The following FBXW11 variants were observed in gnomAD, a reference collection of about 807,000 sequenced individuals.
FBXW11 encodes the protein F-box and WD repeat domain containing 11, also known as F-box/WD repeat-containing protein 11.
FBXW11 carries 19 observed loss-of-function variants against 77.6 expected under a neutral mutation model. The ratio of observed to expected loss-of-function variants is 0.24; its 90% CI spans 0.17 to 0.36. FBXW11 has a LOEUF of 0.36. Among genes scored for constraint, FBXW11 ranks in the 10% least tolerant of loss-of-function variants. The probability of loss-of-function intolerance (pLI) is 1.00; values close to 1 mark genes in which losing one functional copy is unlikely to be tolerated. For synonymous variants in FBXW11, 235 were observed against 249.4 expected (o/e 0.94, Z 0.54); for missense variants, 334 against 704.2 (o/e 0.47, Z 5.95).
chr5:171,996,170 A>G (rs1766033441), intron 1 of FBXW11, among the ~76,000 whole-genome samples: 1 of 152,236 alleles, frequency 6.6e-6, no homozygotes, highest in Admixed American at 6.5e-5. Flanking sequence ...ACCTGCCAAG[A>G]GACCTCAGAA....
At chr5:172,000,851 T>C (rs1393712673) in intron 1 of FBXW11, among the ~76,000 whole-genome samples, 1 of 152,222 alleles carries the variant, frequency 6.6e-6, no homozygotes. Flanking sequence ...CAAACTCAGG[T>C]GTTTCACTTC....
chr5:171,927,469 G>A (rs768195862), intron 2 of FBXW11, among the ~76,000 whole-genome samples: 14 of 152,104 alleles, frequency 9.2e-5, no homozygotes, highest in Non-Finnish European at 1.8e-4. Flanking sequence ...ATGAGCAAAA[G>A]ACTTCCACAG....
intron 8 of FBXW11, among the ~76,000 whole-genome samples, chr5:171,877,789 G>T (rs951515500): frequency 2.0e-5 from 3 of 152,210 alleles, no homozygotes; most frequent in Non-Finnish European, 2.9e-5. Context: ...TTACAGGAAA[G>T]CATGTTGTCA....
At chr5:171,975,769 T>C (rs1764795407) in intron 1 of FBXW11, among the ~76,000 whole-genome samples, 2 of 152,076 alleles carry the variant, frequency 1.3e-5, no homozygotes, top group Non-Finnish European at 2.9e-5. Flanking sequence ...CCTCCTTATT[T>C]TGGCAGGATG....
In FBXW11 at chr5:171,869,856, T is replaced by G; in HGVS notation, c.1452-49A>C. 1 of 1,298,996 alleles carries G rather than the reference T, an allele frequency of 7.7e-7. No individual in the cohort carries two copies. The highest frequency in any genetic ancestry group is 1.3e-5 in the South Asian group (1 of 78,086). 80.5% of individuals were successfully genotyped at this position (1,298,996 alleles called of 1,614,324 possible). ...TTAGTGGAAAAGTGAACAATTTATA[T>G]GCTGTCAAACATTTCCTTGAAAAAA... On this transcript the variant is annotated intron_variant, in intron 11 of 13. Transcript: ENST00000517395. This position sits in a 1 kb window ranked among gnomAD's most constrained non-coding sequence, Gnocchi z 4.1.
chr5:171,967,606 G>A (rs553411534), intron 1 of FBXW11, among the ~76,000 whole-genome samples: 17 of 152,126 alleles, frequency 1.1e-4, no homozygotes, highest in East Asian at 5.8e-4. Context: ...TTGGGAGGCC[G>A]AGGCAGGCGG....
chr5:171,888,162 G>A (rs1243362510), intron 7 of FBXW11, among the ~76,000 whole-genome samples: 1 of 152,116 alleles, frequency 6.6e-6, no homozygotes, highest in African/African-American at 2.4e-5. Context: ...ACACACTGCA[G>A]AACAATGGAA....
chr5:171,907,587 A>G (rs1193641678), intron 4 of FBXW11, among the ~76,000 whole-genome samples: 1 of 152,190 alleles, frequency 6.6e-6, no homozygotes, highest in East Asian at 1.9e-4. Context: ...ATTCATATGT[A>G]TGATATACAC....
intron 2 of FBXW11, among the ~76,000 whole-genome samples, chr5:171,946,876 G>A (rs544556451): frequency 2.0e-3 from 287 of 143,436 alleles, no homozygotes; most frequent in Non-Finnish European, 3.3e-3. Flanking sequence ...GTGCAGTGGC[G>A]GGATCTCGGC....
intron 2 of FBXW11, among the ~76,000 whole-genome samples, chr5:171,945,254 G>A (rs1581237363): frequency 1.3e-5 from 2 of 152,192 alleles, no homozygotes; most frequent in East Asian, 1.9e-4. Flanking sequence ...CAAGCTACTG[G>A]TATAACAACA....
intron 1 of FBXW11, among the ~76,000 whole-genome samples, chr5:171,991,366 C>A (rs1765729830): frequency 6.6e-6 from 1 of 152,076 alleles, no homozygotes; most frequent in African/African-American, 2.4e-5. Flanking sequence ...TACTTGAGAC[C>A]AACACAGCAT....
chr5:171,980,098 C>T (rs991707835), intron 1 of FBXW11, among the ~76,000 whole-genome samples: 1 of 152,136 alleles, frequency 6.6e-6, no homozygotes, highest in African/African-American at 2.4e-5. Flanking sequence ...CATGCCAGGG[C>T]AAATACTTAA....
intron 1 of FBXW11, among the ~76,000 whole-genome samples, chr5:171,989,185 A>C (rs1765605177): frequency 6.6e-6 from 1 of 152,224 alleles, no homozygotes; most frequent in Non-Finnish European, 1.5e-5. Flanking sequence ...TAAAATAATA[A>C]AATAAAAAAT....
At chr5:171,927,443 C>T (rs931664391) in intron 2 of FBXW11, among the ~76,000 whole-genome samples, 3 of 152,106 alleles carry the variant, frequency 2.0e-5, no homozygotes. Flanking sequence ...CAATCACACA[C>T]ATACTAAATT....
At chr5:171,907,704 A>C (rs538254895) in intron 4 of FBXW11, among the ~76,000 whole-genome samples, 1 of 152,378 alleles carries the variant, frequency 6.6e-6, no homozygotes, top group South Asian at 2.1e-4. Context: ...TGTAATATTC[A>C]ATACCACAAA....
chr5:171,885,161 A>G (rs1257300380), intron 7 of FBXW11, among the ~76,000 whole-genome samples: 1 of 152,232 alleles, frequency 6.6e-6, no homozygotes, highest in African/African-American at 2.4e-5. Flanking sequence ...AGCAGTTTCT[A>G]CTGAAGGTAG....
intron 7 of FBXW11, among the ~76,000 whole-genome samples, chr5:171,878,422 T>C (rs1026064123): frequency 2.0e-5 from 3 of 152,162 alleles, no homozygotes; most frequent in Non-Finnish European, 4.4e-5. Context: ...GTGAAAAGAA[T>C]TCGCTCACTG....
At chr5:171,923,909 C>CTTTTTTTTT (rs70982354) in intron 2 of FBXW11, among the ~76,000 whole-genome samples, 2 of 49,130 alleles carry the variant, frequency 4.1e-5, no homozygotes, top group African/African-American at 1.8e-4. Flanking sequence ...GAAACCCCAC[C>CTTTTTTTTT]TTTTTTTTTT....
At chr5:171,906,797 C>T (rs562223665) in intron 4 of FBXW11, among the ~76,000 whole-genome samples, 3 of 152,284 alleles carry the variant, frequency 2.0e-5, no homozygotes, top group South Asian at 2.1e-4. Context: ...TTTCCTGTCA[C>T]GCTGCTCTGG....
Sources: gnomAD v4.1 joint callset for allele counts (sites outside exome capture counted in the v4.1 genomes callset) on GRCh38, gnomAD v4.1.1 for gene constraint, Gnocchi (gnomAD v3.1) non-coding constraint, MANE v1.5 for transcripts, NCBI Gene and HGNC (gene_info 2026-07-23, HGNC 2026-07-21) for gene names.